The following LAMA3 variants were observed in gnomAD, a reference collection of about 807,000 sequenced individuals.
LAMA3 encodes laminin subunit alpha-3.
Under a neutral mutation model 402.0 loss-of-function variants are expected in LAMA3, and 281 were observed. That is an observed-to-expected ratio of 0.70 (90% confidence interval 0.63 to 0.77). The LOEUF is 0.77. LAMA3 is among the 30% of genes least tolerant of loss of function. The pLI, the probability that LAMA3 is intolerant of heterozygous loss-of-function variation, is 0.00. For missense variants in LAMA3, 3,840 were observed against 4,215.5 expected, an observed-to-expected ratio of 0.91 and a Z score of 2.47; for synonymous variants, 1,431 against 1,558.4, an observed-to-expected ratio of 0.92 and a Z score of 1.93.
chr18:23,767,578 C>CTTTTTTTTTTTTTTTTTTT (rs71163640), intron 8 of LAMA3, among the ~76,000 whole-genome samples: 2 of 125,806 alleles, frequency 1.6e-5, no homozygotes, highest in African/African-American at 3.0e-5. Flanking sequence ...TCTTTCTTTT[C>CTTTTTTTTTTTTTTTTTTT]TTTTTTTTTT....
At chr18:23,696,952 T>A (rs2060696019) in intron 1 of LAMA3, among the ~76,000 whole-genome samples, 1 of 152,244 alleles carries the variant, frequency 6.6e-6, no homozygotes, top group Admixed American at 6.5e-5. Context: ...CTACTCCACA[T>A]GTGACTGTCA....
intron 11 of LAMA3, 76 bp downstream of exon 11, chr18:23,777,695 T>G: frequency 3.3e-5 from 35 of 1,052,566 alleles, no homozygotes; most frequent in Non-Finnish European, 4.8e-5. Flanking sequence ...CTGTGTGCAC[T>G]GCCACATCCA....
rs779952138 is a variant in LAMA3, at chr18:23,819,938, G to C, written c.2245G>C (p.Asp749His). 6.2e-6 allele frequency: 10 copies of C among 1,614,016 alleles called. No homozygotes were observed. The highest frequency in any genetic ancestry group is 8.5e-6 in the Non-Finnish European group (10 of 1,180,014). ...PNGRDLRFGF[D>H]PLAFPEFSWR... ...TGGGAGAGACCTTCGATTTGGATTT[G>C]ATCCGCTGGCATTTCCTGAGTTTAG... Residue 749 changes from aspartate to histidine, a missense_variant, in exon 19 of 75, where the codon GAT becomes CAT. Transcript: ENST00000313654.
At chr18:23,701,194 C>T (rs529184154) in intron 1 of LAMA3, among the ~76,000 whole-genome samples, 1 of 152,226 alleles carries the variant, frequency 6.6e-6, no homozygotes, top group South Asian at 2.1e-4. Flanking sequence ...AAGAATAACT[C>T]TCACTTCCTT....
At chr18:23,952,935 G>A in intron 73 of LAMA3, 55 bp from the exon 74 acceptor site, 1 of 1,611,896 alleles carries the variant, frequency 6.2e-7, no homozygotes, top group Non-Finnish European at 8.5e-7. Context: ...CAATGGTGTA[G>A]ACATTAAGCA....
At chr18:23,704,523 A>C (rs995338217) in intron 1 of LAMA3, among the ~76,000 whole-genome samples, 2 of 152,220 alleles carry the variant, frequency 1.3e-5, no homozygotes, top group African/African-American at 4.8e-5. Flanking sequence ...TCTGGAGATT[A>C]AGCAAAGTAA....
intron 21 of LAMA3, 100 bp downstream of exon 21, chr18:23,824,665 A>G (rs1241126109): frequency 7.5e-6 from 10 of 1,339,660 alleles, no homozygotes; most frequent in Non-Finnish European, 8.5e-6. Flanking sequence ...AAAATATCAC[A>G]ATCATTGGTG....
At chr18:23,808,067 G>T (rs533137129) in intron 12 of LAMA3, among the ~76,000 whole-genome samples, 1 of 152,112 alleles carries the variant, frequency 6.6e-6, no homozygotes, top group African/African-American at 2.4e-5. Flanking sequence ...AGTGTCTTGT[G>T]GGGGTGCTTT....
intron 1 of LAMA3, among the ~76,000 whole-genome samples, chr18:23,711,244 G>A (rs1176676571): frequency 1.3e-5 from 2 of 152,192 alleles, no homozygotes; most frequent in Non-Finnish European, 2.9e-5. Context: ...CTGTGATGCT[G>A]TCTTGCCTAT....
intron 60 of LAMA3, 87 bp from the exon 61 acceptor site, chr18:23,920,848 G>A: frequency 1.3e-6 from 2 of 1,509,094 alleles, no homozygotes; most frequent in Non-Finnish European, 1.8e-6. Flanking sequence ...TGAGAGCAGG[G>A]GGGTCTGTGA....
chr18:23,692,576 T>C (rs1161953835), intron 1 of LAMA3, among the ~76,000 whole-genome samples: 7 of 152,230 alleles, frequency 4.6e-5, no homozygotes, highest in Non-Finnish European at 1.0e-4. Context: ...CCGGCCCGTT[T>C]TGATGTTTTA....
chr18:23,921,427 C>T (rs879555309), intron 61 of LAMA3, 25 bp from the exon 62 acceptor site: 7 of 1,609,738 alleles, frequency 4.3e-6, no homozygotes, highest in Non-Finnish European at 5.9e-6. Context: ...CGCTGGCTTG[C>T]TGATTCATCT....
chr18:23,847,769 G>A, intron 32 of LAMA3, 101 bp downstream of exon 32: 2 of 1,265,194 alleles, frequency 1.6e-6, no homozygotes, highest in East Asian at 5.0e-5. Flanking sequence ...ACCTGTCCAG[G>A]GGTGCCCTGT....
chr18:23,779,417 G>T (rs62094760), intron 11 of LAMA3, among the ~76,000 whole-genome samples: 35,327 of 152,008 alleles, frequency 0.23, 6,357 homozygotes, highest in East Asian at 0.64. Flanking sequence ...GGATATCATC[G>T]GAAGGTAGAA....
At chr18:23,827,576 T>C in intron 23 of LAMA3, 109 bp downstream of exon 23, 1 of 1,239,916 alleles carries the variant, frequency 8.1e-7, no homozygotes, top group Non-Finnish European at 1.1e-6. Context: ...CCTGGAAGAA[T>C]TTCTCAGAGG....
At position 23,954,856 on chromosome 18, in the gene LAMA3, A is replaced by C; in HGVS notation, c.*208A>C. ...TTTTATATAAAAATCCCATTTCTTG[A>C]AGATAAAAAAATTGTTATTCAAATT... On this transcript the variant is annotated 3_prime_UTR_variant, in exon 75 of 75. Coordinates refer to ENST00000313654, the MANE Select transcript of LAMA3 (RefSeq NM_198129.4). The C allele has an allele frequency of 1.7e-6, 1 of 581,404 alleles. No homozygotes were observed. The highest frequency in any genetic ancestry group is 3.0e-6 in the Non-Finnish European group (1 of 328,220). 36.0% of individuals were successfully genotyped at this position (581,404 alleles called of 1,614,324 possible).
chr18:23,935,915 C>T (rs2082300726), intron 67 of LAMA3, among the ~76,000 whole-genome samples: 1 of 151,772 alleles, frequency 6.6e-6, no homozygotes, highest in Non-Finnish European at 1.5e-5. Flanking sequence ...GAGTGTGGGT[C>T]GAATTTAGCT....
chr18:23,690,723 G>T (rs1280707666), intron 1 of LAMA3, among the ~76,000 whole-genome samples: 1 of 150,410 alleles, frequency 6.6e-6, no homozygotes, highest in African/African-American at 2.4e-5. Flanking sequence ...GGATCCTCCC[G>T]CCTCAGCCTT....
rs34517862 is a variant in LAMA3 at position 23,755,965 on chromosome 18, C to CT, written c.947+2160dup. On this transcript the variant is annotated intron_variant, in intron 6 of 74. Transcript: ENST00000313654. ...TGGGACTCAGATGGGTACCCAGCTC[C>CT]TTTTTTTGCTATGCTCAATTTTAAT... is the stretch of plus-strand genomic sequence containing the variant. Among the ~76,000 whole-genome samples the CT allele has an allele frequency of 4.1e-3, 631 of 152,248 alleles. 2 individuals are homozygous for CT. Among genetic ancestry groups the CT allele is most frequent in the African/African-American group, 0.015 (612 of 41,536 alleles).
Sources: gnomAD v4.1 joint callset for allele counts (sites outside exome capture counted in the v4.1 genomes callset) on GRCh38, gnomAD v4.1.1 for gene constraint, MANE v1.5 for transcripts, NCBI Gene and HGNC (gene_info 2026-07-23, HGNC 2026-07-21) for gene names.